EEF1G: variants seen among roughly 807,000 people sequenced by gnomAD.
The protein encoded by EEF1G is eukaryotic translation elongation factor 1 gamma.
Under a neutral mutation model 58.3 loss-of-function variants are expected in EEF1G, and 14 were observed. That is an observed-to-expected ratio of 0.24 (90% CI 0.16 to 0.38). The LOEUF (loss-of-function observed/expected upper bound fraction) is 0.38, where lower values mean the gene tolerates loss of function less well. EEF1G is among the 10% of genes least tolerant of loss of function. The pLI is 1.00. For missense variants in EEF1G, 322 were observed against 550.1 expected (o/e 0.59, Z 4.15); for synonymous variants, 180 against 206.8 (o/e 0.87, Z 1.11).
intron 7 of EEF1G, among the ~76,000 whole-genome samples, chr11:62,562,671 A>G (rs916949895): frequency 1.3e-5 from 2 of 151,700 alleles, no homozygotes; most frequent in African/African-American, 4.9e-5. Flanking sequence ...AGTAGAGACG[A>G]GGTTTCACTA....
rs755869944 is a variant in EEF1G, at chr11:62,570,959, C to G, written c.522+6G>C. 6 of 1,613,708 alleles carry G rather than the reference C, an allele frequency of 3.7e-6. No individual in the cohort carries two copies. The highest frequency in any genetic ancestry group is 3.3e-5 in the Admixed American group (2 of 59,990). Reference sequence around the variant, plus strand: ...CACTGCCAAATGGATTTTCCATAAACTTCACCTGCTTATAGAGCCACAACA... The same window carrying G: ...CACTGCCAAATGGATTTTCCATAAAGTTCACCTGCTTATAGAGCCACAACA... On this transcript the variant is annotated splice_donor_region_variant and intron_variant, in intron 5 of 9. Transcript: ENST00000329251.
chr11:62,568,239 T>G (rs1398672221), intron 5 of EEF1G, among the ~76,000 whole-genome samples: 1 of 142,384 alleles, frequency 7.0e-6, no homozygotes, highest in Non-Finnish European at 1.5e-5. Flanking sequence ...AAAAAAAAAA[T>G]TAGCTGGGCG....
chr11:62,572,886 T>TG, intron 1 of EEF1G, 144 bp from the exon 2 acceptor site: 2 of 670,164 alleles, frequency 3.0e-6, no homozygotes, highest in Non-Finnish European at 4.8e-6. Flanking sequence ...CTTTAGTACT[T>TG]GTCATATGTA....
At position 62,566,812 on chromosome 11, in the gene EEF1G, G is replaced by A. The variant is rs1408495907; in HGVS notation, c.851C>T (p.Pro284Leu). 1 of 1,613,402 alleles carries A rather than the reference G, an allele frequency of 6.2e-7. No homozygotes were observed. Among genetic ancestry groups the A allele is most frequent in the East Asian group, 2.2e-5 (1 of 44,904 alleles). ...PKAKDPFAHL[P>L]KSTFVLDEFK... ...CACCCTCCAATATCCTTACCTCTTG[G>A]GCAGGTGAGCGAAGGGGTCCTTGGC... The change falls in exon 7 of 10, where the codon CCC (proline) becomes CTC (leucine). Residue 284 changes from proline to leucine, a missense_variant. By Grantham distance (98) the Pro-to-Leu change is moderately conservative. This residue lies in a region of EEF1G where 208 missense variants were observed against 323.7 expected (regional missense o/e 0.64). Coordinates refer to ENST00000329251, the MANE Select transcript of EEF1G (RefSeq NM_001404.5).
chr11:62,566,481 T>C (rs890022084), intron 7 of EEF1G, among the ~76,000 whole-genome samples: 2 of 152,240 alleles, frequency 1.3e-5, no homozygotes, highest in Non-Finnish European at 2.9e-5. Flanking sequence ...CGCCTCTCCC[T>C]GTATTTGTTC....
intron 1 of EEF1G, 145 bp from the exon 2 acceptor site, chr11:62,572,887 G>C: frequency 1.5e-6 from 1 of 664,794 alleles, no homozygotes; most frequent in Non-Finnish European, 2.4e-6. Flanking sequence ...TTTAGTACTT[G>C]TCATATGTAA....
Position 62,572,686 on chromosome 11 carries a change from C to T in EEF1G, c.69G>A (p.Gln23=), listed in dbSNP as rs1278296495. The T allele has an allele frequency of 6.2e-7, 1 of 1,613,396 alleles. No homozygotes were observed. Among genetic ancestry groups the T allele is most frequent in the Non-Finnish European group, 8.5e-7 (1 of 1,179,884 alleles). The change falls in exon 2 of 10, where the codon CAG becomes CAA. Residue 23 remains glutamine, a synonymous_variant. Coordinates refer to ENST00000329251, the MANE Select transcript of EEF1G (RefSeq NM_001404.5). The part of the protein sequence containing the change: ...WRAFKALIAA[Q]YSGAQVRVLS... Reference sequence around the variant, plus strand: ...GCACGCGGACCTGAGCCCCGCTGTACTGAGCAGCGATGAGAGCCTTGAAGG... The same window carrying T: ...GCACGCGGACCTGAGCCCCGCTGTATTGAGCAGCGATGAGAGCCTTGAAGG...
At chr11:62,571,217 C>T (rs1311100394) in intron 4 of EEF1G, 109 bp from the exon 5 acceptor site, 11 of 1,518,826 alleles carry the variant, frequency 7.2e-6, no homozygotes, top group African/African-American at 4.1e-5. Flanking sequence ...CTGAGCTCAC[C>T]CTCACTCTCT....
At chr11:62,570,607 T>G (rs1184696884) in intron 5 of EEF1G, among the ~76,000 whole-genome samples, 1 of 151,958 alleles carries the variant, frequency 6.6e-6, no homozygotes, top group Admixed American at 6.6e-5. Context: ...CAGGCTGGAG[T>G]GCAGTGGGGC....
chr11:62,559,944 T>C, intron 9 of EEF1G, 107 bp from the exon 10 acceptor site: 1 of 1,606,786 alleles, frequency 6.2e-7, no homozygotes, highest in Non-Finnish European at 8.5e-7. Flanking sequence ...CCTGTGAACA[T>C]GAACTGCTCC....
At chr11:62,566,231 G>A (rs1192859115) in intron 7 of EEF1G, among the ~76,000 whole-genome samples, 1 of 152,142 alleles carries the variant, frequency 6.6e-6, no homozygotes, top group Non-Finnish European at 1.5e-5. Flanking sequence ...CTGAAAAAGG[G>A]ATACAGAGGA....
At position 62,567,289 on chromosome 11, in the gene EEF1G, C is replaced by T. The variant is rs75928704; in HGVS notation, c.652+110G>A. ...TATTAGCTACCACATTGACACCCTA[C>T]ATTCTGCAGGTCCCCATAACCCAAA... is the stretch of plus-strand genomic sequence containing the variant. On this transcript the variant is annotated intron_variant, in intron 6 of 9. Transcript: ENST00000329251. 1.4e-3 allele frequency: 1,965 copies of T among 1,406,522 alleles called. 1 individual carries two copies. Among genetic ancestry groups the T allele is most frequent in the Admixed American group, 2.7e-3 (100 of 36,760 alleles). 87.1% of individuals were successfully genotyped at this position (1,406,522 alleles called of 1,614,324 possible).
At position 62,571,819 on chromosome 11, in the gene EEF1G, A is replaced by G. The variant is rs961506199; in HGVS notation, c.235+19T>C. 5.7e-6 allele frequency: 9 copies of G among 1,582,350 alleles called. No individual in the cohort carries two copies. The highest frequency in any genetic ancestry group is 1.3e-5 in the African/African-American group (1 of 74,180). On this transcript the variant is annotated intron_variant, in intron 3 of 9. Transcript: ENST00000329251. ...CTCACCTCCAAATTCTCCCATTCCC[A>G]TATACCCCTGCAAATTACCATAGTA...
chr11:62,573,002 T>A, intron 1 of EEF1G: 1 of 293,140 alleles, frequency 3.4e-6, no homozygotes, highest in Non-Finnish European at 6.3e-6. Flanking sequence ...AGTATTCTCT[T>A]CCTCTCAAAT....
chr11:62,566,833 T>A lies in EEF1G; in HGVS notation c.830A>T (p.Lys277Met). The A allele has an allele frequency of 6.2e-7, 1 of 1,613,434 alleles. No individual in the cohort carries two copies. Among genetic ancestry groups the A allele is most frequent in the South Asian group, 1.1e-5 (1 of 91,068 alleles). Residue 277 changes from lysine to methionine, a missense_variant, in exon 7 of 10, where the codon AAG (lysine) becomes ATG (methionine). Transcript: ENST00000329251. ...EQALAAEPKA[K>M]DPFAHLPKST... ...CTTGGGCAGGTGAGCGAAGGGGTCCTTGGCCTTGGGCTCAGCAGCCAGCGC... is the reference window on the plus strand; with the variant it reads ...CTTGGGCAGGTGAGCGAAGGGGTCCATGGCCTTGGGCTCAGCAGCCAGCGC...
At position 62,573,877 on chromosome 11, in the gene EEF1G, G is replaced by A; in HGVS notation, c.-35C>T. 1.2e-6 allele frequency: 2 copies of A among 1,613,554 alleles called. No homozygotes were observed. The highest frequency in any genetic ancestry group is 1.7e-6 in the Non-Finnish European group (2 of 1,179,848). ...GCAAAGAAAGGGGGTGGGGTTCTCGGCGCTGCCGCAAAGTAAGCCGCCCGG... is the reference window on the plus strand; with the variant it reads ...GCAAAGAAAGGGGGTGGGGTTCTCGACGCTGCCGCAAAGTAAGCCGCCCGG... On this transcript the variant is annotated 5_prime_UTR_variant, in exon 1 of 10. Transcript: ENST00000329251.
At chr11:62,567,257 C>T in intron 6 of EEF1G, 142 bp downstream of exon 6, 1 of 1,168,658 alleles carries the variant, frequency 8.6e-7, no homozygotes, top group Non-Finnish European at 1.2e-6. Context: ...CACGAAACTG[C>T]ACATAATATT....
intron 7 of EEF1G, among the ~76,000 whole-genome samples, chr11:62,564,572 C>T (rs1941533592): frequency 6.6e-6 from 1 of 151,498 alleles, no homozygotes. Context: ...ACCAGCCTGC[C>T]CAGCATGGTG....
At chr11:62,571,449 C>CT in intron 4 of EEF1G, 91 bp downstream of exon 4, 3 of 1,473,366 alleles carry the variant, frequency 2.0e-6, no homozygotes, top group Admixed American at 2.5e-5. Context: ...TCCTTGGCAT[C>CT]TTTTTTTCAA....
Sources: allele counts gnomAD v4.1 joint callset (sites outside exome capture counted in the v4.1 genomes callset), GRCh38; gene constraint gnomAD v4.1.1; regional missense constraint gnomAD v4.1.1; transcripts MANE v1.5; gene names NCBI Gene and HGNC (gene_info 2026-07-23, HGNC 2026-07-21).